Variants in UBTD1 observed in about 807,000 individuals in gnomAD.
UBTD1 encodes the protein ubiquitin domain containing 1.
UBTD1 carries 19 observed loss-of-function variants against 21.7 expected under a neutral mutation model. That is an observed-to-expected ratio of 0.87 (90% CI 0.61 to 1.28). UBTD1 has a LOEUF of 1.28. UBTD1 is among the 50% of genes most tolerant of loss of function. The pLI, the probability that UBTD1 is intolerant of heterozygous loss-of-function variation, is 0.00. For missense variants in UBTD1, 282 were observed against 315.1 expected (o/e 0.89, Z 0.80); for synonymous variants, 116 against 135.1 (o/e 0.86, Z 0.98).
intron 1 of UBTD1, among the ~76,000 whole-genome samples, chr10:97,511,599 G>A (rs2040423391): frequency 1.3e-5 from 2 of 151,998 alleles, no homozygotes; most frequent in South Asian, 2.1e-4. Context: ...TACCTCCCAC[G>A]CAGTGTCTGG....
rs1341607450 is a variant in UBTD1 at position 97,529,255 on chromosome 10, G to A, written c.70+29982G>A. On this transcript the variant is annotated intron_variant, in intron 1 of 2. Transcript: ENST00000370664. Reference sequence around the variant, plus strand: ...ACTTCCTAGGTGGGATGGCGGCCGGGCAGAGACGCTCCTCACTTTCCAGAC... The same window carrying A: ...ACTTCCTAGGTGGGATGGCGGCCGGACAGAGACGCTCCTCACTTTCCAGAC... Among the ~76,000 whole-genome samples the A allele has an allele frequency of 4.1e-3, 617 of 151,578 alleles. 7 individuals are homozygous for A. Among genetic ancestry groups the A allele is most frequent in the African/African-American group, 0.014 (581 of 41,264 alleles).
chr10:97,568,278 C>T, intron 2 of UBTD1, 137 bp downstream of exon 2: 1 of 851,588 alleles, frequency 1.2e-6, no homozygotes, highest in Non-Finnish European at 1.8e-6. Context: ...CCTTACTGAG[C>T]ATGGACCAGG....
chr10:97,565,614 C>T (rs149192934), intron 1 of UBTD1, among the ~76,000 whole-genome samples: 2,527 of 152,192 alleles, frequency 0.017, 77 homozygotes, highest in African/African-American at 0.058. Flanking sequence ...ATCACACCAC[C>T]GCACTCCAGA....
At chr10:97,556,899 T>A (rs1205537868) in intron 1 of UBTD1, among the ~76,000 whole-genome samples, 1 of 152,256 alleles carries the variant, frequency 6.6e-6, no homozygotes, top group Non-Finnish European at 1.5e-5. Context: ...ACCATGTAAC[T>A]GTTTTTGTGG....
At chr10:97,539,970 G>T (rs2040580360) in intron 1 of UBTD1, among the ~76,000 whole-genome samples, 1 of 152,188 alleles carries the variant, frequency 6.6e-6, no homozygotes, top group Non-Finnish European at 1.5e-5. Flanking sequence ...CCCCCAGAGG[G>T]CTGGGTGCAG....
chr10:97,528,661 G>T lies in UBTD1; in HGVS notation c.70+29388G>T, dbSNP rs542658424. Among the ~76,000 whole-genome samples, 379 of 39,956 alleles carry T rather than the reference G, an allele frequency of 9.5e-3. 59 individuals are homozygous for T. The highest frequency in any genetic ancestry group is 0.089 in the East Asian group (49 of 550). The allele number at this position is 39,956 out of a possible 152,430, so 26.2% of individuals were successfully genotyped here. ...TCCCTCCCGGACGGGGCGGCTGGCCGGGCGGGGGGCTGACCCCCCCCACCT... is the reference window on the plus strand; with the variant it reads ...TCCCTCCCGGACGGGGCGGCTGGCCTGGCGGGGGGCTGACCCCCCCCACCT... On this transcript the variant is annotated intron_variant, in intron 1 of 2. Coordinates refer to ENST00000370664, the MANE Select transcript of UBTD1 (RefSeq NM_024954.5).
intron 1 of UBTD1, among the ~76,000 whole-genome samples, chr10:97,544,934 T>C (rs778782789): frequency 1.3e-5 from 2 of 151,966 alleles, no homozygotes; most frequent in Non-Finnish European, 2.9e-5. Flanking sequence ...TTGAGTAGGC[T>C]GAGGAGGAGG....
At chr10:97,499,731 C>A (rs977225283) in intron 1 of UBTD1, among the ~76,000 whole-genome samples, 2 of 152,180 alleles carry the variant, frequency 1.3e-5, no homozygotes, top group African/African-American at 4.8e-5. Context: ...AGCTGCAGAT[C>A]GTGTCTGCGG....
At chr10:97,512,356 C>A (rs979531718) in intron 1 of UBTD1, among the ~76,000 whole-genome samples, 1 of 152,174 alleles carries the variant, frequency 6.6e-6, no homozygotes, top group East Asian at 1.9e-4. Context: ...TTGCCCTTCT[C>A]CCCTATACTC....
At chr10:97,567,398 C>A (rs1439370002) in intron 1 of UBTD1, among the ~76,000 whole-genome samples, 5 of 147,040 alleles carry the variant, frequency 3.4e-5, no homozygotes, top group Non-Finnish European at 7.5e-5. Flanking sequence ...CGGTGGCTCA[C>A]GCCTGTAATC....
rs569920621 is a variant in UBTD1 at position 97,529,436 on chromosome 10, G to A, written c.70+30163G>A. Among the ~76,000 whole-genome samples, 455 of 152,304 alleles carry A rather than the reference G, an allele frequency of 3.0e-3. 5 individuals are homozygous for A. The highest frequency in any genetic ancestry group is 0.01 in the African/African-American group (436 of 41,570). On this transcript the variant is annotated intron_variant, in intron 1 of 2. Coordinates refer to ENST00000370664, the MANE Select transcript of UBTD1 (RefSeq NM_024954.5). ...GCGGCTGGGAGGTGGAGGTTGTAGC[G>A]AGCCGAGATCACGCCGCTGCACTCC...
chr10:97,533,292 ACC>A, intron 1 of UBTD1, among the ~76,000 whole-genome samples: 1 of 151,900 alleles, frequency 6.6e-6, no homozygotes. Context: ...TCTCCTCCCC[ACC>A]CACTGCTAGA....
chr10:97,567,714 T>C (rs529111806), intron 1 of UBTD1, among the ~76,000 whole-genome samples, 200 bp from the exon 2 acceptor site: 1 of 152,056 alleles, frequency 6.6e-6, no homozygotes, highest in East Asian at 1.9e-4. Flanking sequence ...GCTGACACAA[T>C]TATTTTATGT....
At chr10:97,547,297 T>A (rs1470660365) in intron 1 of UBTD1, among the ~76,000 whole-genome samples, 1 of 152,180 alleles carries the variant, frequency 6.6e-6, no homozygotes, top group Non-Finnish European at 1.5e-5. Flanking sequence ...TACCTCCCCT[T>A]CCTGGAGTCC....
At chr10:97,536,632 C>T (rs1213484838) in intron 1 of UBTD1, among the ~76,000 whole-genome samples, 1 of 152,160 alleles carries the variant, frequency 6.6e-6, no homozygotes, top group Non-Finnish European at 1.5e-5. Context: ...GGGTCTGGGC[C>T]AACTCATGGG....
At chr10:97,566,232 G>A (rs2040716296) in intron 1 of UBTD1, among the ~76,000 whole-genome samples, 1 of 150,602 alleles carries the variant, frequency 6.6e-6, no homozygotes, top group South Asian at 2.1e-4. Flanking sequence ...GTTTTTGCCA[G>A]TAAAGCTCGT....
intron 1 of UBTD1, among the ~76,000 whole-genome samples, chr10:97,538,482 G>A (rs1294454667): frequency 6.6e-6 from 1 of 152,132 alleles, no homozygotes; most frequent in African/African-American, 2.4e-5. Context: ...TAGTGAGCAT[G>A]AACAAAATGT....
chr10:97,529,317 T>C (rs4595477), intron 1 of UBTD1, among the ~76,000 whole-genome samples: 136,499 of 150,618 alleles, frequency 0.91, 62,795 homozygotes, highest in East Asian at 0.99. Flanking sequence ...ACATCCCAGA[T>C]GATGGGCGGC....
chr10:97,539,365 G>A (rs973347979), intron 1 of UBTD1, among the ~76,000 whole-genome samples: 1 of 152,310 alleles, frequency 6.6e-6, no homozygotes, highest in South Asian at 2.1e-4. Context: ...AGGCTAAGGC[G>A]GGAGGATCAG....
Sources: gnomAD v4.1 joint callset for allele counts (sites outside exome capture counted in the v4.1 genomes callset) on GRCh38, gnomAD v4.1.1 for gene constraint, MANE v1.5 for transcripts, NCBI Gene and HGNC (gene_info 2026-07-23, HGNC 2026-07-21) for gene names.